PUDP: variants seen among roughly 807,000 people sequenced by gnomAD.
PUDP encodes the protein pseudouridine 5'-phosphatase, also known as pseudouridine-5'-phosphatase.
In PUDP, 8 loss-of-function variants were observed where a neutral mutation model predicts 9.4. The observed-to-expected ratio is 0.85, with a 90% confidence interval of 0.50 to 1.53. PUDP has a LOEUF of 1.53. Ranked by LOEUF, PUDP falls within the 40% of genes most tolerant of loss-of-function variation. PUDP has a pLI of 0.00. For missense variants in PUDP, 188 were observed against 189.7 expected, an observed-to-expected ratio of 0.99 and a Z score of 0.05; for synonymous variants, 99 against 80.7, an observed-to-expected ratio of 1.23 and a Z score of -1.22.
chrX:6,905,705 T>A (rs1228565225), intron 3 of PUDP, among the ~76,000 whole-genome samples: 1 of 111,354 alleles, frequency 9.0e-6, no homozygotes, highest in East Asian at 2.8e-4. Context: ...CCAAATCATA[T>A]CAAATGGCAC....
At chrX:7,045,405 G>C (rs1418642463), downstream of PUDP, among the ~76,000 whole-genome samples, 1 of 111,978 alleles carries the variant, frequency 8.9e-6, no homozygotes, top group Non-Finnish European at 1.9e-5. Context: ...TAACATACTT[G>C]ATTCCTGGCA....
At chrX:6,719,560 C>T (rs1924637581) in intron 1 of PUDP, among the ~76,000 whole-genome samples, 1 of 111,991 alleles carries the variant, frequency 8.9e-6, no homozygotes, top group Non-Finnish European at 1.9e-5. Flanking sequence ...ATGAAACCTG[C>T]TTCAAATGAG....
intron 3 of PUDP, among the ~76,000 whole-genome samples, chrX:6,796,328 C>G (rs370006595): frequency 2.7e-5 from 3 of 112,013 alleles, no homozygotes; most frequent in African/African-American, 9.7e-5. Context: ...GAGTACAAGT[C>G]TTTATGAGCA....
At position 7,147,937 on chromosome X, in the gene PUDP, T is replaced by G. The variant is rs1455041334; in HGVS notation, c.61+116A>C. On this transcript the variant is annotated intron_variant, in intron 1 of 3. Coordinates refer to ENST00000381077, the MANE Select transcript of PUDP (RefSeq NM_012080.5). ...GGCAGAGCGCGCGGGAGCCCGAGCG[T>G]CCCTGCATGAACACCGCCCCGCCGC... is the stretch of plus-strand genomic sequence containing the variant. 3 of 570,999 alleles carry G rather than the reference T, an allele frequency of 5.3e-6. No homozygotes were observed. The Admixed American group carries it at 1.0e-4, about 19-fold the overall frequency. The allele number at this position is 570,999 out of a possible 1,213,427, so 47.1% of individuals were successfully genotyped here.
At chrX:7,129,107 T>C (rs1325785561) in intron 1 of PUDP, among the ~76,000 whole-genome samples, 1 of 112,018 alleles carries the variant, frequency 8.9e-6, no homozygotes, top group Non-Finnish European at 1.9e-5. Context: ...CAACCATTGC[T>C]TTGAACATAA....
chrX:7,143,344 T>G (rs1265136577), intron 1 of PUDP, among the ~76,000 whole-genome samples: 1 of 111,787 alleles, frequency 8.9e-6, no homozygotes, highest in Non-Finnish European at 1.9e-5. Context: ...TTCTCACACA[T>G]GCCTGTATCC....
intron 3 of PUDP, among the ~76,000 whole-genome samples, chrX:6,762,902 A>G (rs1925243532): frequency 9.0e-6 from 1 of 111,565 alleles, no homozygotes; most frequent in African/African-American, 3.3e-5. Context: ...TCTAAAAATA[A>G]TTTCAGGTTC....
intron 3 of PUDP, among the ~76,000 whole-genome samples, chrX:6,822,452 A>T (rs1926356403): frequency 8.9e-6 from 1 of 111,993 alleles, no homozygotes; most frequent in Admixed American, 9.4e-5. Flanking sequence ...TTTGAGACGG[A>T]GTCTCGCTCT....
At chrX:6,743,266 C>A (rs111872123) in intron 3 of PUDP, among the ~76,000 whole-genome samples, 5,543 of 112,115 alleles carry the variant, frequency 0.049, 147 homozygotes, top group African/African-American at 0.076. Flanking sequence ...GCCCCACCAG[C>A]CAGTCAACAA....
chrX:6,804,625 G>A (rs943819664), intron 3 of PUDP, among the ~76,000 whole-genome samples: 1 of 111,470 alleles, frequency 9.0e-6, no homozygotes, highest in Admixed American at 9.6e-5. Context: ...AGGAAGCCCG[G>A]AGATGTGGAG....
intron 3 of PUDP, among the ~76,000 whole-genome samples, chrX:6,912,180 C>T (rs1047344998): frequency 9.0e-6 from 1 of 111,516 alleles, no homozygotes; most frequent in Non-Finnish European, 1.9e-5. Flanking sequence ...TTGATTTTCT[C>T]TTATGCCTTT....
chrX:6,707,512 G>C lies in PUDP; in HGVS notation n.129-1046C>G, dbSNP rs747314570. Among the ~76,000 whole-genome samples the C allele has an allele frequency of 6.3e-5, 7 of 111,811 alleles. No homozygotes were observed. In the East Asian group the frequency reaches 2.0e-3, roughly 31 times the overall value. On this transcript the variant is annotated intron_variant and non_coding_transcript_variant, in intron 1 of 2. Transcript: ENST00000438499. ...TTCCTGCAAATAGACGGTCCCATCT[G>C]GGGGTGATGGGAGAAAGTGACAGAT...
intron 1 of PUDP, among the ~76,000 whole-genome samples, chrX:6,999,861 GA>G (rs1410756957): frequency 4.6e-5 from 5 of 109,192 alleles, no homozygotes; most frequent in Non-Finnish European, 9.5e-5. Context: ...AATGGAAACT[GA>G]AAATATGTGT....
intron 1 of PUDP, among the ~76,000 whole-genome samples, chrX:7,128,634 C>T (rs1301189232): frequency 9.0e-6 from 1 of 111,262 alleles, no homozygotes; most frequent in African/African-American, 3.3e-5. Flanking sequence ...AAACACTTTC[C>T]CATAAGAAAT....
chrX:6,764,225 T>G (rs1000648139), intron 3 of PUDP, among the ~76,000 whole-genome samples: 31 of 111,701 alleles, frequency 2.8e-4, no homozygotes, highest in Non-Finnish European at 4.9e-4. Context: ...CTAACTGCTT[T>G]GCAAAGCAGG....
At chrX:7,005,658 C>A (rs1929392857) in intron 1 of PUDP, among the ~76,000 whole-genome samples, 1 of 111,181 alleles carries the variant, frequency 9.0e-6, no homozygotes, top group Non-Finnish European at 1.9e-5. Context: ...GATCTTCCTG[C>A]CTTAGCCCCA....
chrX:6,729,620 A>G (rs946181696), intron 3 of PUDP, among the ~76,000 whole-genome samples: 1 of 112,067 alleles, frequency 8.9e-6, no homozygotes, highest in Non-Finnish European at 1.9e-5. Context: ...AAATAGCCTG[A>G]TCAATCCTTT....
intron 3 of PUDP, among the ~76,000 whole-genome samples, chrX:6,761,413 C>T (rs996743035): frequency 3.3e-4 from 37 of 112,118 alleles, no homozygotes; most frequent in African/African-American, 1.2e-3. Context: ...TTTCTGACCC[C>T]TTTGTGAACA....
In PUDP at chrX:6,832,823, C is replaced by T. The variant is rs185819871; in HGVS notation, c.*248-126357G>A. On this transcript the variant is annotated intron_variant and NMD_transcript_variant, in intron 3 of 3. Transcript: ENST00000655425. ...CCCTCAGCTGCCTAGAATTGTACTA[C>T]TCAGCTGCTGCCCAAATTCTGAATA... 1.5e-4 allele frequency among the ~76,000 whole-genome samples: 17 copies of T among 112,036 alleles called. 1 individual carries two copies. The East Asian group carries it at 4.8e-3, about 32-fold the overall frequency.
Sources: gnomAD v4.1 joint callset for allele counts (sites outside exome capture counted in the v4.1 genomes callset) on GRCh38, gnomAD v4.1.1 for gene constraint, MANE v1.5 for transcripts, NCBI Gene and HGNC (gene_info 2026-07-23, HGNC 2026-07-21) for gene names.